The following SRGAP2 variants were observed in gnomAD, a reference collection of about 807,000 sequenced individuals.
The protein encoded by SRGAP2 is SLIT-ROBO Rho GTPase-activating protein 2.
SRGAP2 carries 15 observed loss-of-function variants against 57.2 expected under a neutral mutation model. The observed-to-expected ratio is 0.26, with a 90% CI of 0.18 to 0.40. The LOEUF (loss-of-function observed/expected upper bound fraction) is 0.40, where lower values mean the gene tolerates loss of function less well. Ranked by LOEUF, SRGAP2 falls within the 10% of genes least tolerant of loss-of-function variation. The probability of loss-of-function intolerance (pLI) is 1.00; values close to 1 mark genes in which losing one functional copy is unlikely to be tolerated. For synonymous variants in SRGAP2, 249 were observed against 248.0 expected, an observed-to-expected ratio of 1.00 and a Z score of -0.04; for missense variants, 520 against 669.6, an observed-to-expected ratio of 0.78 and a Z score of 2.47.
chr1:206,237,046 A>G (rs1353812083), intron 2 of SRGAP2, among the ~76,000 whole-genome samples: 3 of 149,198 alleles, frequency 2.0e-5, no homozygotes, highest in African/African-American at 7.6e-5. Context: ...ACTTAAAAAT[A>G]TGTAAATGCC....
intron 14 of SRGAP2, among the ~76,000 whole-genome samples, chr1:206,432,029 G>A (rs1270077973): frequency 6.6e-6 from 1 of 152,236 alleles, no homozygotes. Context: ...TTATTCTGAG[G>A]AAGATGGGAA....
At chr1:206,450,970 G>C (rs1663229419) in intron 19 of SRGAP2, among the ~76,000 whole-genome samples, 1 of 151,072 alleles carries the variant, frequency 6.6e-6, no homozygotes, top group Middle Eastern at 3.2e-3. Flanking sequence ...AAAATAGCCT[G>C]GCATGGTGGT....
intron 2 of SRGAP2, among the ~76,000 whole-genome samples, chr1:206,281,274 A>G (rs1466302631): frequency 1.4e-5 from 2 of 143,576 alleles, no homozygotes; most frequent in Non-Finnish European, 3.0e-5. Context: ...ATAATAAAGA[A>G]CTGGGATATG....
At chr1:206,378,139 G>C (rs2103046955) in intron 4 of SRGAP2, among the ~76,000 whole-genome samples, 1 of 139,878 alleles carries the variant, frequency 7.1e-6, no homozygotes, top group East Asian at 2.1e-4. Context: ...GGATCTTTAG[G>C]CCAGGAGTTT....
intron 2 of SRGAP2, among the ~76,000 whole-genome samples, chr1:206,209,693 C>T (rs1293801667): frequency 6.6e-6 from 1 of 151,310 alleles, no homozygotes; most frequent in African/African-American, 2.4e-5. Flanking sequence ...AGTTGTCCGT[C>T]AGTATCCTCA....
intron 3 of SRGAP2, among the ~76,000 whole-genome samples, chr1:206,328,123 C>G (rs1571870718): frequency 4.3e-5 from 5 of 116,768 alleles, no homozygotes; most frequent in African/African-American, 4.7e-5. Flanking sequence ...CATGTCCCTA[C>G]AAAGGACATG....
intron 2 of SRGAP2, among the ~76,000 whole-genome samples, chr1:206,295,539 A>G (rs1430269499): frequency 8.0e-5 from 12 of 150,856 alleles, no homozygotes; most frequent in Admixed American, 7.9e-4. Context: ...CTTCTTTTCA[A>G]GAAGTTTAGA....
In SRGAP2 at chr1:206,304,176, T is replaced by A. The variant is rs1672052258; in HGVS notation, c.260+703T>A. Among the ~76,000 whole-genome samples, 9 of 149,700 alleles carry A rather than the reference T, an allele frequency of 6.0e-5. No individual in the cohort carries two copies. In the South Asian group the frequency reaches 1.9e-3, roughly 32 times the overall value. ...CCCTAGTTTAGATCATCATCTTTTT[T>A]GCCTGAATGATTGCAGTATTTACTA... On this transcript the variant is annotated intron_variant, in intron 3 of 22. Coordinates refer to ENST00000573034, the MANE Select transcript of SRGAP2 (RefSeq NM_015326.5).
intron 2 of SRGAP2, among the ~76,000 whole-genome samples, chr1:206,300,982 C>T (rs1249137669): frequency 6.6e-6 from 1 of 152,196 alleles, no homozygotes; most frequent in Non-Finnish European, 1.5e-5. Flanking sequence ...ACATCTGTTA[C>T]TGATTCAGTA....
chr1:206,375,494 A>C (rs1655115512), intron 4 of SRGAP2, among the ~76,000 whole-genome samples: 1 of 152,234 alleles, frequency 6.6e-6, no homozygotes, highest in Non-Finnish European at 1.5e-5. Flanking sequence ...GACAAAGATC[A>C]CAGTGGTAGT....
At chr1:206,424,268 AT>A (rs199878782) in intron 13 of SRGAP2, among the ~76,000 whole-genome samples, 16 of 152,126 alleles carry the variant, frequency 1.1e-4, no homozygotes, top group African/African-American at 3.1e-4. Context: ...TTACCAAAAA[AT>A]AAAAAAGTGT....
At chr1:206,451,291 C>T (rs1051778005) in intron 19 of SRGAP2, among the ~76,000 whole-genome samples, 3 of 152,020 alleles carry the variant, frequency 2.0e-5, no homozygotes, top group Non-Finnish European at 2.9e-5. Context: ...ATGCGAGTGC[C>T]GAGCAGCGTG....
chr1:206,366,123 T>C lies in SRGAP2; in HGVS notation c.424-17891T>C, dbSNP rs183507693. Among the ~76,000 whole-genome samples the C allele has an allele frequency of 3.7e-3, 564 of 152,364 alleles. 4 individuals carry two copies. Among genetic ancestry groups the C allele is most frequent in the African/African-American group, 0.013 (544 of 41,578 alleles). ...AATATTTCTCAACTCCTCCAGAATA[T>C]TTAGGGTTAACTAAAAATTATAAAA... On this transcript the variant is annotated intron_variant, in intron 4 of 22. Coordinates refer to ENST00000573034, the MANE Select transcript of SRGAP2 (RefSeq NM_015326.5).
At chr1:206,351,338 GAGA>G (rs1198795814) in intron 4 of SRGAP2, among the ~76,000 whole-genome samples, 6 of 149,844 alleles carry the variant, frequency 4.0e-5, no homozygotes, top group African/African-American at 1.5e-4. Flanking sequence ...AACTCTTTGG[GAGA>G]AGGAGTAGAT....
At chr1:206,357,925 TAC>T (rs1676578973) in intron 4 of SRGAP2, among the ~76,000 whole-genome samples, 1 of 147,830 alleles carries the variant, frequency 6.8e-6, no homozygotes, top group African/African-American at 2.5e-5. Context: ...TATGTTCTTG[TAC>T]ATCTAGAAGC....
At position 206,409,927 on chromosome 1, in the gene SRGAP2, C is replaced by T. The variant is rs572514943; in HGVS notation, c.1356+3353C>T. Among the ~76,000 whole-genome samples, 12 of 150,192 alleles carry T rather than the reference C, an allele frequency of 8.0e-5. No homozygotes were observed. In the East Asian group the frequency reaches 1.4e-3, roughly 17 times the overall value. ...CAGCCTGATCAACATGGAGAAACCT[C>T]GTCTCTACTAAAAACACAAAAAAAT... On this transcript the variant is annotated intron_variant, in intron 10 of 22. Transcript: ENST00000573034.
chr1:206,307,447 C>T (rs1184345872), intron 3 of SRGAP2, among the ~76,000 whole-genome samples: 4 of 152,234 alleles, frequency 2.6e-5, no homozygotes, highest in Non-Finnish European at 4.4e-5. Flanking sequence ...CTGCGCTGTG[C>T]GCTCGCATTC....
intron 7 of SRGAP2, among the ~76,000 whole-genome samples, chr1:206,398,563 G>A (rs1405544534): frequency 1.3e-5 from 2 of 151,892 alleles, no homozygotes; most frequent in African/African-American, 4.8e-5. Context: ...CTTGACTTAG[G>A]TCAGTATTCA....
chr1:206,302,689 G>A (rs1373573648), intron 2 of SRGAP2, among the ~76,000 whole-genome samples: 1 of 151,844 alleles, frequency 6.6e-6, no homozygotes, highest in Admixed American at 6.6e-5. Flanking sequence ...TTTGACCTTG[G>A]GAGATTTTCT....
Sources: allele counts gnomAD v4.1 joint callset (sites outside exome capture counted in the v4.1 genomes callset), GRCh38; gene constraint gnomAD v4.1.1; transcripts MANE v1.5; gene names NCBI Gene and HGNC (gene_info 2026-07-23, HGNC 2026-07-21).